The following XIST variants were observed in gnomAD, a reference collection of about 807,000 sequenced individuals.
The protein encoded by XIST is X inactive specific transcript (non-protein coding).
exon 6 of XIST, chrX:73,821,359 C>T (rs780761574): frequency 7.2e-6 from 4 of 552,701 alleles, no homozygotes; most frequent in Admixed American, 6.8e-5. Flanking sequence ...ACAATAAAGT[C>T]CTCTTCTTTT....
intron 1 of XIST, chrX:73,841,328 G>A (rs1922582039): frequency 2.3e-6 from 1 of 436,811 alleles, no homozygotes; most frequent in Admixed American, 3.9e-5. Context: ...GCATCTAAGA[G>A]AAAGAAAATA....
At chrX:73,823,378 G>T (rs1367126772) in exon 6 of XIST, 1 of 503,902 alleles carries the variant, frequency 2.0e-6, no homozygotes, top group Admixed American at 2.7e-5. Flanking sequence ...TTTAATTTAC[G>T]AAACATAGTA....
chrX:73,849,732 T>G (rs1244898110), exon 1 of XIST: 15 of 552,525 alleles, frequency 2.7e-5, no homozygotes, highest in South Asian at 4.6e-5. Context: ...AATATCCCAG[T>G]ATAATAGGAT....
exon 6 of XIST, chrX:73,824,980 CCATT>C (rs370948433): frequency 5.8e-6 from 3 of 517,620 alleles, no homozygotes; most frequent in Non-Finnish European, 1.0e-5. Context: ...ATTCATTCAT[CCATT>C]CATTCATTCA....
At chrX:73,839,973 A>T (rs1226613642) in intron 1 of XIST, among the ~76,000 whole-genome samples, 2 of 111,263 alleles carry the variant, frequency 1.8e-5, no homozygotes, top group South Asian at 3.7e-4. Context: ...TCATAAGCAT[A>T]GACCAGGGTT....
At chrX:73,841,701 C>T (rs758217363) in exon 1 of XIST, 14 of 515,974 alleles carry the variant, frequency 2.7e-5, no homozygotes, top group Admixed American at 5.3e-5. Context: ...ATAGGGAACT[C>T]GTCTTATCAT....
exon 1 of XIST, chrX:73,850,681 GAGGGGGGTAGGGGGGT>G (rs1327274938): frequency 1.0e-5 from 4 of 388,364 alleles, no homozygotes; most frequent in Non-Finnish European, 1.8e-5. Context: ...GGGCAGACCA[GAGGGGGGTAGGGGGGT>G]AGGGGGGTAG....
At chrX:73,849,389 T>C (rs1278338997) in exon 1 of XIST, 4 of 557,326 alleles carry the variant, frequency 7.2e-6, no homozygotes, top group East Asian at 3.3e-5. Flanking sequence ...GGTAGGATTA[T>C]TGGCAATTAG....
chrX:73,822,417 C>T (rs185674201), exon 6 of XIST: 1 of 514,048 alleles, frequency 1.9e-6, no homozygotes, highest in East Asian at 3.6e-5. Flanking sequence ...ATTAGGCATT[C>T]TCTGGGAAGG....
intron 2 of XIST, among the ~76,000 whole-genome samples, chrX:73,833,963 G>T (rs1171577066): frequency 9.0e-6 from 1 of 111,390 alleles, no homozygotes; most frequent in African/African-American, 3.3e-5. Flanking sequence ...ATGTCAAACA[G>T]GAATATATGG....
exon 6 of XIST, chrX:73,824,844 A>T (rs945268584): frequency 1.8e-6 from 1 of 558,281 alleles, no homozygotes; most frequent in South Asian, 2.2e-5. Context: ...GATTGTTTAA[A>T]ATTAAGCAAT....
chrX:73,847,513 C>G (rs1255556190), exon 1 of XIST: 4 of 511,182 alleles, frequency 7.8e-6, no homozygotes, highest in Non-Finnish European at 1.4e-5. Context: ...AGCCACCACA[C>G]CCGGCCTCAG....
chrX:73,850,698 A>T, exon 1 of XIST: 2 of 227,058 alleles, frequency 8.8e-6, no homozygotes, highest in Admixed American at 4.9e-5. Context: ...GTAGGGGGGT[A>T]GGGGGGTAGG....
rs577341307 is a variant in XIST at position 73,852,299 on chromosome X, T to C, written n.425A>G. On this transcript the variant is annotated non_coding_transcript_exon_variant, in exon 1 of 6. Coordinates refer to ENST00000429829, the Ensembl canonical transcript of XIST. Reference sequence around the variant, plus strand: ...GGTATCCGCGGCCCCGATGGGCGAATAAAAAAGAATTAAAAGGCAGGTATC... The same window carrying C: ...GGTATCCGCGGCCCCGATGGGCGAACAAAAAAGAATTAAAAGGCAGGTATC... 3.4e-4 allele frequency: 176 copies of C among 523,964 alleles called. 1 individual carries two copies. The South Asian group carries it at 4.2e-3, about 12-fold the overall frequency. 43.2% of individuals were successfully genotyped at this position (523,964 alleles called of 1,213,427 possible). A position where few individuals can be genotyped will look rare whatever the true frequency, so the allele number is the denominator to read the frequency against.
chrX:73,836,039 T>C (rs940509800), intron 2 of XIST, among the ~76,000 whole-genome samples: 2 of 111,207 alleles, frequency 1.8e-5, no homozygotes, highest in Non-Finnish European at 3.8e-5. Context: ...ATAGGCACTT[T>C]GGAAGGCTAG....
At position 73,841,238 on chromosome X, in the gene XIST, C is replaced by A. The variant is rs1023550766; in HGVS notation, n.11342+144G>T. ...TATGCATGTATGTATGTATCTATTT[C>A]TCTCTCTATATATATATATTGCAGA... On this transcript the variant is annotated intron_variant and non_coding_transcript_variant, in intron 1 of 5. Coordinates refer to ENST00000429829, the Ensembl canonical transcript of XIST. 11 of 367,087 alleles carry A rather than the reference C, an allele frequency of 3.0e-5. No homozygotes were observed. In the Admixed American group the frequency reaches 4.5e-4, roughly 15 times the overall value. The allele number at this position is 367,087 out of a possible 1,213,427, so 30.3% of individuals were successfully genotyped here.
exon 6 of XIST, chrX:73,822,329 G>A (rs372742517): frequency 7.3e-5 from 40 of 551,163 alleles, no homozygotes; most frequent in Non-Finnish European, 1.3e-4. Flanking sequence ...GAAGAGATAC[G>A]GAGTAGGAAT....
exon 1 of XIST, chrX:73,851,460 G>A (rs771789255): frequency 1.8e-6 from 1 of 556,994 alleles, no homozygotes; most frequent in Non-Finnish European, 3.2e-6. Flanking sequence ...TGGCCTTCCC[G>A]CCACTTGAAC....
intron 4 of XIST, among the ~76,000 whole-genome samples, chrX:73,830,913 T>C (rs1298069019): frequency 8.9e-6 from 1 of 112,259 alleles, no homozygotes; most frequent in Non-Finnish European, 1.9e-5. Flanking sequence ...TCACACCCAG[T>C]TGCTTCCCAG....
Sources: gnomAD v4.1 joint callset for allele counts (sites outside exome capture counted in the v4.1 genomes callset) on GRCh38, gnomAD v4.1.1 for gene constraint, MANE v1.5 for transcripts, NCBI Gene and HGNC (gene_info 2026-07-23, HGNC 2026-07-21) for gene names.